ITPR2: variants seen among roughly 807,000 people sequenced by gnomAD.
ITPR2 encodes inositol 1,4,5-trisphosphate receptor type 2.
A neutral mutation model predicts 317.1 loss-of-function variants in ITPR2; 207 were observed. The ratio of observed to expected loss-of-function variants is 0.65; its 90% CI spans 0.58 to 0.73. The LOEUF (loss-of-function observed/expected upper bound fraction) is 0.73. ITPR2 is among the 30% of genes least tolerant of loss of function. The probability of loss-of-function intolerance (pLI) is 0.00; values close to 1 mark genes in which losing one functional copy is unlikely to be tolerated. For synonymous variants in ITPR2, 1,156 were observed against 1,149.1 expected, an observed-to-expected ratio of 1.01 and a Z score of -0.12; for missense variants, 2,613 against 3,284.0, an observed-to-expected ratio of 0.80 and a Z score of 4.99.
rs1226403397 is a variant in ITPR2, at chr12:26,487,077, G to A, written c.5545C>T (p.Arg1849Ter). 6.2e-6 allele frequency: 10 copies of A among 1,611,054 alleles called. No homozygotes were observed. Among genetic ancestry groups the A allele is most frequent in the African/African-American group, 5.4e-5 (4 of 74,592 alleles). The change falls in exon 40 of 57, where the codon CGA becomes TGA. Residue 1849 changes from arginine (R) to a stop codon, truncating the protein, a stop_gained. Coordinates refer to ENST00000381340, the MANE Select transcript of ITPR2 (RefSeq NM_002223.4). LOFTEE classifies it high-confidence loss of function. ...DDNELMTSGPRMRVRDSTLHL... is the reference protein window; with the variant it reads ...DDNELMTSGP ...TCAAATACTTCTTTACCTCTCATTC[G>A]TGGACCAGATGTCATCAATTCATTG...
At chr12:26,458,947 G>A (rs186792968) in intron 45 of ITPR2, among the ~76,000 whole-genome samples, 459 of 152,296 alleles carry the variant, frequency 3.0e-3, no homozygotes, top group Non-Finnish European at 5.7e-3. Flanking sequence ...ATCCCATAGC[G>A]GGCCTTCCCC....
chr12:26,631,729 T>C, intron 22 of ITPR2, 137 bp downstream of exon 22: 2 of 698,756 alleles, frequency 2.9e-6, no homozygotes, highest in Middle Eastern at 5.9e-4. Context: ...ACCAGGTTTG[T>C]CATTAACTTA....
intron 37 of ITPR2, among the ~76,000 whole-genome samples, chr12:26,534,292 T>C (rs906383076): frequency 2.0e-5 from 3 of 152,206 alleles, no homozygotes; most frequent in East Asian, 3.8e-4. Context: ...TATGCAAACA[T>C]GTGAATTTCA....
At chr12:26,665,634 G>A (rs767118209) in intron 14 of ITPR2, among the ~76,000 whole-genome samples, 22 of 152,148 alleles carry the variant, frequency 1.4e-4, no homozygotes, top group Non-Finnish European at 2.8e-4. Flanking sequence ...TGAGAGGGCT[G>A]GAAGGCAAGT....
intron 21 of ITPR2, among the ~76,000 whole-genome samples, chr12:26,634,055 T>C (rs564656300): frequency 1.3e-4 from 20 of 152,354 alleles, no homozygotes; most frequent in African/African-American, 3.1e-4. Flanking sequence ...ATGTCGTCAA[T>C]GAAATGGGAG....
intron 35 of ITPR2, among the ~76,000 whole-genome samples, chr12:26,558,152 T>C (rs1944714257): frequency 1.3e-5 from 2 of 152,204 alleles, no homozygotes; most frequent in African/African-American, 2.4e-5. Flanking sequence ...GAAAACTAGA[T>C]ATTATATAAA....
chr12:26,402,806 T>C (rs1424544481), intron 52 of ITPR2, among the ~76,000 whole-genome samples: 2 of 152,326 alleles, frequency 1.3e-5, no homozygotes, highest in East Asian at 1.9e-4. Flanking sequence ...CTCTGAGTCA[T>C]GGTAAATTCA....
rs1941540311 is a variant in ITPR2, at chr12:26,443,636, A to G, written c.6357T>C (p.Asn2119=). The G allele has an allele frequency of 6.2e-7, 1 of 1,612,646 alleles. No homozygotes were observed. The highest frequency in any genetic ancestry group is 1.3e-5 in the African/African-American group (1 of 74,864). ...YILAHQLARH[N]KLLQQMLKPG... ...GTTTGAGCATCTGCTGCAACAGTTT[A>G]TTGTGGCGGGCCAACTAGAGTAGGG... The change falls in exon 46 of 57, where the codon AAT becomes AAC. Residue 2119 remains asparagine, a synonymous_variant. Transcript: ENST00000381340.
At chr12:26,824,794 T>G in intron 1 of ITPR2, among the ~76,000 whole-genome samples, 1 of 152,224 alleles carries the variant, frequency 6.6e-6, no homozygotes, top group East Asian at 1.9e-4. Context: ...TTTCCATATA[T>G]ATTGTTTTGA....
At chr12:26,500,428 G>C (rs1440030656) in intron 37 of ITPR2, among the ~76,000 whole-genome samples, 4 of 152,146 alleles carry the variant, frequency 2.6e-5, no homozygotes, top group Non-Finnish European at 4.4e-5. Flanking sequence ...ATGCATTCCT[G>C]ATGCACCTCC....
intron 37 of ITPR2, among the ~76,000 whole-genome samples, chr12:26,514,093 A>T (rs981764656): frequency 1.3e-5 from 2 of 151,838 alleles, no homozygotes; most frequent in Admixed American, 1.3e-4. Context: ...GCATAATTTT[A>T]GTCTTATTTT....
intron 26 of ITPR2, among the ~76,000 whole-genome samples, chr12:26,619,523 T>C (rs1283411696): frequency 6.6e-6 from 1 of 152,056 alleles, no homozygotes; most frequent in Admixed American, 6.6e-5. Context: ...CAAAGAGACA[T>C]GAAATAAGGT....
chr12:26,374,910 A>G (rs1404295530), intron 55 of ITPR2, among the ~76,000 whole-genome samples: 1 of 152,234 alleles, frequency 6.6e-6, no homozygotes. Flanking sequence ...ATTAGTCCCA[A>G]ATCCTATGGA....
intron 55 of ITPR2, among the ~76,000 whole-genome samples, chr12:26,342,497 T>G (rs111376924): frequency 0.59 from 2,108 of 3,568 alleles, 773 homozygotes; most frequent in Non-Finnish European, 0.85. Context: ...GTCACGGCGG[T>G]GGGGGGGGGG....
rs535241742 is a variant in ITPR2, at chr12:26,811,405, T to A, written c.93-21178A>T. On this transcript the variant is annotated intron_variant, in intron 1 of 56. Transcript: ENST00000381340. ...GCAGGCGGATCACGAGGTCAGGAGA[T>A]CGAGACCATCCTGGCTAACGCGGTG... Among the ~76,000 whole-genome samples, 5 of 151,636 alleles carry A rather than the reference T, an allele frequency of 3.3e-5. 1 individual carries two copies. The South Asian group carries it at 6.3e-4, about 19-fold the overall frequency.
chr12:26,473,828 T>C (rs1332348981), intron 45 of ITPR2, among the ~76,000 whole-genome samples: 1 of 152,150 alleles, frequency 6.6e-6, no homozygotes, highest in African/African-American at 2.4e-5. Flanking sequence ...CTTTTCCACA[T>C]CCTAAATCTC....
intron 34 of ITPR2, among the ~76,000 whole-genome samples, chr12:26,564,651 G>A (rs1467225850): frequency 6.6e-6 from 1 of 152,152 alleles, no homozygotes; most frequent in African/African-American, 2.4e-5. Context: ...AAATACCTGA[G>A]GGACACACAC....
At chr12:26,457,179 G>A (rs1302357926) in intron 45 of ITPR2, among the ~76,000 whole-genome samples, 1 of 152,186 alleles carries the variant, frequency 6.6e-6, no homozygotes, top group East Asian at 1.9e-4. Context: ...CGGAAGCAAT[G>A]AGCACTGGGG....
chr12:26,415,940 T>C (rs1266923705), intron 50 of ITPR2, among the ~76,000 whole-genome samples: 1 of 152,172 alleles, frequency 6.6e-6, no homozygotes, highest in African/African-American at 2.4e-5. Flanking sequence ...TCCTGAGTGA[T>C]GAACAATTGA....
Sources: gnomAD v4.1 joint callset for allele counts (sites outside exome capture counted in the v4.1 genomes callset) on GRCh38, gnomAD v4.1.1 for gene constraint, MANE v1.5 for transcripts, NCBI Gene and HGNC (gene_info 2026-07-23, HGNC 2026-07-21) for gene names.